GCSAML: variants seen among roughly 807,000 people sequenced by gnomAD.
The protein encoded by GCSAML is germinal center associated signaling and motility like, also known as germinal center-associated signaling and motility-like protein.
A neutral mutation model predicts 13.0 loss-of-function variants in GCSAML; 9 were observed. The observed-to-expected ratio is 0.69, with a 90% CI of 0.42 to 1.21. GCSAML has a LOEUF of 1.21. Among genes scored for constraint, GCSAML ranks in the 50% most tolerant of loss-of-function variants. The pLI is 0.00. For synonymous variants in GCSAML, 37 were observed against 52.9 expected, an observed-to-expected ratio of 0.70 and a Z score of 1.31; for missense variants, 143 against 153.4, an observed-to-expected ratio of 0.93 and a Z score of 0.36.
At chr1:247,565,123 G>C (rs759744004) in intron 3 of GCSAML, among the ~76,000 whole-genome samples, 76 of 152,170 alleles carry the variant, frequency 5.0e-4, no homozygotes, top group Non-Finnish European at 9.6e-4. Context: ...ACTTTGGGAG[G>C]CCGAGGTGGG....
intron 1 of GCSAML, among the ~76,000 whole-genome samples, chr1:247,507,425 C>T (rs1196515192): frequency 6.6e-6 from 1 of 152,008 alleles, no homozygotes; most frequent in Non-Finnish European, 1.5e-5. Context: ...TGTGGAAAGG[C>T]CTTCATAATT....
chr1:247,571,464 A>G (rs1489423222), intron 4 of GCSAML, among the ~76,000 whole-genome samples: 1 of 152,118 alleles, frequency 6.6e-6, no homozygotes, highest in East Asian at 1.9e-4. Context: ...TATGAAGCTT[A>G]GTTTAGCTAG....
intron 2 of GCSAML, among the ~76,000 whole-genome samples, chr1:247,540,189 G>A (rs113058975): frequency 0.017 from 2,567 of 152,166 alleles, 72 homozygotes; most frequent in African/African-American, 0.054. Context: ...GTGCTACCAC[G>A]CCTGGGTAAT....
chr1:247,525,767 T>TG (rs2103323264), intron 1 of GCSAML: 1 of 152,348 alleles, frequency 6.6e-6, no homozygotes, highest in South Asian at 2.1e-4. Context: ...CCATGGAGGT[T>TG]GGGGGCTGGG....
At chr1:247,566,832 G>A (rs1453723858) in intron 4 of GCSAML, among the ~76,000 whole-genome samples, 2 of 151,590 alleles carry the variant, frequency 1.3e-5, no homozygotes, top group Non-Finnish European at 2.9e-5. Context: ...TTGAAAATGT[G>A]CATAAACTCA....
intron 2 of GCSAML, among the ~76,000 whole-genome samples, chr1:247,539,435 C>A (rs1007014978): frequency 1.3e-5 from 2 of 152,214 alleles, no homozygotes; most frequent in African/African-American, 4.8e-5. Context: ...GACCCTCGTT[C>A]CTGAAAAGAA....
intron 3 of GCSAML, among the ~76,000 whole-genome samples, chr1:247,564,744 T>C (rs968272992): frequency 2.0e-5 from 3 of 152,174 alleles, no homozygotes; most frequent in Admixed American, 6.5e-5. Flanking sequence ...GAATACTACG[T>C]TGCTAACTAA....
At chr1:247,556,237 A>C (rs1474172815) in intron 1 of GCSAML, among the ~76,000 whole-genome samples, 170 bp from the exon 2 acceptor site, 1 of 152,184 alleles carries the variant, frequency 6.6e-6, no homozygotes, top group East Asian at 1.9e-4. Flanking sequence ...TCTGTGGTTA[A>C]TTTCTGAAAT....
chr1:247,523,278 G>T (rs1666524455), intron 1 of GCSAML, among the ~76,000 whole-genome samples: 1 of 151,954 alleles, frequency 6.6e-6, no homozygotes, highest in African/African-American at 2.4e-5. Flanking sequence ...TTTCCTGAAG[G>T]AATAAAAGAT....
intron 2 of GCSAML, among the ~76,000 whole-genome samples, chr1:247,561,295 G>A (rs541212524): frequency 6.6e-6 from 1 of 152,060 alleles, no homozygotes; most frequent in African/African-American, 2.4e-5. Context: ...ATATTTGGGG[G>A]GTACATGTGA....
chr1:247,511,108 T>TTTATTGTGTGGGAGTCTAAGTCTCTTA (rs529422363), intron 1 of GCSAML, among the ~76,000 whole-genome samples: 6 of 151,706 alleles, frequency 4.0e-5, no homozygotes, highest in African/African-American at 1.2e-4. Context: ...GTCTCCCCAG[T>TTTATTGTGTGGGAGTCTAAGTCTCTTA]TTATTGTGTG....
Position 247,576,931 on chromosome 1 carries a change from A to G in GCSAML, c.*2549A>G, listed in dbSNP as rs1668860993. 1 of 152,204 alleles carries G rather than the reference A, an allele frequency of 6.6e-6. No individual in the cohort carries two copies. The highest frequency in any genetic ancestry group is 1.5e-5 in the Non-Finnish European group (1 of 68,028). The allele number at this position is 152,204 out of a possible 1,614,324, so 9.4% of individuals were successfully genotyped here. ...ATTTGAGTAACAATCTGGAATTATC[A>G]GAGAAGGGGCAAGCAATAGGTTAAT... On this transcript the variant is annotated 3_prime_UTR_variant, in exon 5 of 5. Coordinates refer to ENST00000366488, the MANE Select transcript of GCSAML (RefSeq NM_145278.5).
chr1:247,551,055 T>C (rs1667761927), intron 1 of GCSAML, among the ~76,000 whole-genome samples: 2 of 152,320 alleles, frequency 1.3e-5, no homozygotes, highest in South Asian at 2.1e-4. Flanking sequence ...GAATCTTACA[T>C]GTAATTTATG....
chr1:247,564,573 A>G (rs1668269120), intron 3 of GCSAML, among the ~76,000 whole-genome samples: 1 of 152,286 alleles, frequency 6.6e-6, no homozygotes, highest in Non-Finnish European at 1.5e-5. Flanking sequence ...AAAATGGCCT[A>G]TATTCAAGGT....
chr1:247,564,295 C>G (rs750017758), intron 3 of GCSAML, among the ~76,000 whole-genome samples: 30 of 151,810 alleles, frequency 2.0e-4, no homozygotes, highest in Non-Finnish European at 2.8e-4. Flanking sequence ...CTCCTGTAGT[C>G]CCAGCTACTT....
Position 247,575,787 on chromosome 1 carries a change from C to G in GCSAML, c.*1405C>G, listed in dbSNP as rs1438301123. The G allele has an allele frequency of 6.6e-6, 1 of 152,168 alleles. No homozygotes were observed. Among genetic ancestry groups the G allele is most frequent in the African/African-American group, 2.4e-5 (1 of 41,452 alleles). 9.4% of individuals were successfully genotyped at this position (152,168 alleles called of 1,614,324 possible). On this transcript the variant is annotated 3_prime_UTR_variant, in exon 5 of 5. Coordinates refer to ENST00000366488, the MANE Select transcript of GCSAML (RefSeq NM_145278.5). ...GTTAATTTAACCTGTGACTAGTTAT[C>G]TCTACCGAAGGTGGATGTGTAGTTT...
In GCSAML at chr1:247,574,656, G is replaced by T; in HGVS notation, c.*274G>T. 2 of 392,118 alleles carry T rather than the reference G, an allele frequency of 5.1e-6. No homozygotes were observed. The highest frequency in any genetic ancestry group is 9.1e-6 in the Non-Finnish European group (2 of 220,450). 24.3% of individuals were successfully genotyped at this position (392,118 alleles called of 1,614,324 possible). A position where few individuals can be genotyped will look rare whatever the true frequency, so the allele number is the denominator to read the frequency against. On this transcript the variant is annotated 3_prime_UTR_variant, in exon 5 of 5. Transcript: ENST00000366488. ...GAGGTGATAAAAAAAACTTTCTTAG[G>T]ACAATAATGTAAAATGAAAATAAAT...
intron 2 of GCSAML, among the ~76,000 whole-genome samples, chr1:247,539,907 C>T (rs1028989631): frequency 3.9e-5 from 6 of 152,148 alleles, no homozygotes; most frequent in Non-Finnish European, 2.9e-5. Context: ...CTACTGTCTG[C>T]GCCTTCCCCC....
rs78228992 is a variant in GCSAML, at chr1:247,562,455, C to T, written c.90-1135C>T. On this transcript the variant is annotated intron_variant, in intron 2 of 4. Transcript: ENST00000366488. Reference sequence around the variant, plus strand: ...GTGCCTGGAATTTCCCTCGAAGAAACTCACGACTTTCCTTTATTTCCTTGC... The same window carrying T: ...GTGCCTGGAATTTCCCTCGAAGAAATTCACGACTTTCCTTTATTTCCTTGC... Among the ~76,000 whole-genome samples, 17 of 152,310 alleles carry T rather than the reference C, an allele frequency of 1.1e-4. No individual in the cohort carries two copies. In the East Asian group the frequency reaches 3.3e-3, roughly 29 times the overall value.
Sources: gnomAD v4.1 joint callset for allele counts (sites outside exome capture counted in the v4.1 genomes callset) on GRCh38, gnomAD v4.1.1 for gene constraint, MANE v1.5 for transcripts, NCBI Gene and HGNC (gene_info 2026-07-23, HGNC 2026-07-21) for gene names.